ERC1: variants seen among roughly 807,000 people sequenced by gnomAD.
ERC1 encodes RAB6 interacting protein 2.
In ERC1, 56 loss-of-function variants were observed where a neutral mutation model predicts 132.0. That is an observed-to-expected ratio of 0.42 (90% CI 0.34 to 0.53). ERC1 has a LOEUF of 0.53. Ranked by LOEUF, ERC1 falls within the 20% of genes least tolerant of loss-of-function variation. The pLI, the probability that ERC1 is intolerant of heterozygous loss-of-function variation, is 0.03. For missense variants in ERC1, 1,202 were observed against 1,349.9 expected (o/e 0.89, Z 1.72); for synonymous variants, 478 against 476.1 (o/e 1.00, Z -0.05).
At chr12:1,216,615 T>TGGGGGGCGGGGGGGATGGAG (rs1265115026) in intron 12 of ERC1, among the ~76,000 whole-genome samples, 1 of 5,094 alleles carries the variant, frequency 2.0e-4, no homozygotes, top group Non-Finnish European at 4.4e-4. Flanking sequence ...GGAGGAGGGA[T>TGGGGGGCGGGGGGGATGGAG]GGGGGGTGGG....
At chr12:1,243,353 AAG>A (rs2075955758) in intron 13 of ERC1, among the ~76,000 whole-genome samples, 10 of 150,900 alleles carry the variant, frequency 6.6e-5, no homozygotes. Context: ...CAATCCCCAG[AAG>A]ATACTGAGGT....
At chr12:1,148,738 A>AT (rs1365202471) in intron 8 of ERC1, among the ~76,000 whole-genome samples, 15 of 152,128 alleles carry the variant, frequency 9.9e-5, no homozygotes, top group Non-Finnish European at 1.0e-4. Flanking sequence ...AGCAGCTGGG[A>AT]TTACAGGCAC....
chr12:1,182,242 CGGA>C (rs1341864726), intron 10 of ERC1, among the ~76,000 whole-genome samples, 177 bp downstream of exon 10: 9 of 152,194 alleles, frequency 5.9e-5, no homozygotes, highest in Admixed American at 2.0e-4. Flanking sequence ...AGAGACATAG[CGGA>C]TTGGTTCATT....
rs530104827 is a variant in ERC1 at position 1,255,191 on chromosome 12, C to T, written c.2488-7843C>T. Among the ~76,000 whole-genome samples the T allele has an allele frequency of 1.8e-3, 266 of 151,668 alleles. 3 individuals carry two copies. In the Middle Eastern group the frequency reaches 0.031, roughly 17 times the overall value. On this transcript the variant is annotated intron_variant, in intron 13 of 18. Coordinates refer to ENST00000360905, the MANE Select transcript of ERC1 (RefSeq NM_178040.4). ...ACTCCCACTTATGAGTGAGAACATGCGGTGTTTGGTTTTCTGTTCTTGTGT... is the reference window on the plus strand; with the variant it reads ...ACTCCCACTTATGAGTGAGAACATGTGGTGTTTGGTTTTCTGTTCTTGTGT...
At chr12:1,125,322 T>C (rs187352418) in intron 7 of ERC1, among the ~76,000 whole-genome samples, 65 of 152,106 alleles carry the variant, frequency 4.3e-4, no homozygotes, top group Admixed American at 5.9e-4. Context: ...ATCAAATATT[T>C]AAAAATAGTC....
At chr12:997,606 T>G (rs1329738625) in intron 1 of ERC1, among the ~76,000 whole-genome samples, 1 of 152,162 alleles carries the variant, frequency 6.6e-6, no homozygotes, top group Non-Finnish European at 1.5e-5. Flanking sequence ...TGCCAGCATA[T>G]CCTTACTGAG....
rs1954356342 is a variant in ERC1 at position 1,180,750 on chromosome 12, A to C, written c.1875+73A>C. The C allele has an allele frequency of 7.7e-6, 12 of 1,562,208 alleles. No individual in the cohort carries two copies. The Admixed American group carries it at 2.1e-4, about 28-fold the overall frequency. On this transcript the variant is annotated intron_variant, in intron 9 of 18. Transcript: ENST00000360905. ...TAATCTAAGACTGGATATAGAATACAAAAGAAATCCCTGTGGGCACAAGGG... is the reference window on the plus strand; with the variant it reads ...TAATCTAAGACTGGATATAGAATACCAAAGAAATCCCTGTGGGCACAAGGG...
intron 7 of ERC1, among the ~76,000 whole-genome samples, chr12:1,139,821 A>C (rs1165970223): frequency 6.6e-6 from 1 of 152,150 alleles, no homozygotes; most frequent in Non-Finnish European, 1.5e-5. Flanking sequence ...AGGACGATAG[A>C]TCAGAGGTCA....
chr12:1,279,045 C>T (rs1275360058), intron 14 of ERC1, among the ~76,000 whole-genome samples: 1 of 152,098 alleles, frequency 6.6e-6, no homozygotes, highest in Non-Finnish European at 1.5e-5. Flanking sequence ...AATGGCATGA[C>T]CTTTTCCTAA....
chr12:1,156,430 G>A (rs1052361349), intron 8 of ERC1, among the ~76,000 whole-genome samples: 1 of 151,914 alleles, frequency 6.6e-6, no homozygotes, highest in African/African-American at 2.4e-5. Context: ...TAGTAGAGAG[G>A]ATTTTACCAT....
At chr12:1,220,711 A>G (rs776074217) in intron 12 of ERC1, among the ~76,000 whole-genome samples, 4 of 152,228 alleles carry the variant, frequency 2.6e-5, no homozygotes, top group Non-Finnish European at 5.9e-5. Flanking sequence ...AGGGTAACAA[A>G]AAAGAAAAAT....
chr12:1,096,070 A>T (rs114006832), intron 3 of ERC1, among the ~76,000 whole-genome samples: 2 of 151,888 alleles, frequency 1.3e-5, no homozygotes, highest in South Asian at 2.1e-4. Context: ...GGGACTACAC[A>T]TGAGCACCAC....
chr12:1,294,063 G>A (rs7966580), intron 15 of ERC1, among the ~76,000 whole-genome samples: 16 of 152,122 alleles, frequency 1.1e-4, no homozygotes, highest in Non-Finnish European at 2.2e-4. Flanking sequence ...AAATTATGAA[G>A]CAAAGTTTAT....
At position 1,051,765 on chromosome 12, in the gene ERC1, G is replaced by T. The variant is rs148644771; in HGVS notation, c.669+23193G>T. 2.0e-3 allele frequency among the ~76,000 whole-genome samples: 310 copies of T among 152,124 alleles called. 1 individual carries two copies. The highest frequency in any genetic ancestry group is 7.1e-3 in the African/African-American group (296 of 41,478). Reference sequence around the variant, plus strand: ...CCACAGTGACCACCTGGGGGATGTGGGCAGGGGGAGAGGAAAAGAAGGTGA... The same window carrying T: ...CCACAGTGACCACCTGGGGGATGTGTGCAGGGGGAGAGGAAAAGAAGGTGA... On this transcript the variant is annotated intron_variant, in intron 2 of 18. Transcript: ENST00000360905.
At position 1,326,620 on chromosome 12, in the gene ERC1, G is replaced by C. The variant is rs188405643; in HGVS notation, c.2780+36608G>C. Among the ~76,000 whole-genome samples, 4 of 152,278 alleles carry C rather than the reference G, an allele frequency of 2.6e-5. No homozygotes were observed. The East Asian group carries it at 7.7e-4, about 29-fold the overall frequency. On this transcript the variant is annotated intron_variant, in intron 15 of 18. Coordinates refer to ENST00000360905, the MANE Select transcript of ERC1 (RefSeq NM_178040.4). ...GTGTTTGAAAGGTGATATTTTAGAC[G>C]TAGAGACAAAAAGTCTCCCTTGAGT...
At chr12:1,446,825 CT>C (rs2093315585) in intron 18 of ERC1, among the ~76,000 whole-genome samples, 1 of 152,160 alleles carries the variant, frequency 6.6e-6, no homozygotes. Flanking sequence ...ATTTTAATCT[CT>C]TTCTTTCTTG....
intron 17 of ERC1, among the ~76,000 whole-genome samples, chr12:1,414,812 C>T (rs1254123905): frequency 1.3e-5 from 2 of 151,858 alleles, no homozygotes; most frequent in African/African-American, 4.8e-5. Flanking sequence ...TAAATAAATG[C>T]CCAGGATATA....
At chr12:1,282,916 A>G (rs1480328633) in intron 14 of ERC1, among the ~76,000 whole-genome samples, 1 of 152,006 alleles carries the variant, frequency 6.6e-6, no homozygotes. Context: ...TCTTGTGGAG[A>G]CTTACGCCTT....
At chr12:1,161,938 T>C (rs1951918823) in intron 8 of ERC1, among the ~76,000 whole-genome samples, 1 of 152,206 alleles carries the variant, frequency 6.6e-6, no homozygotes, top group South Asian at 2.1e-4. Context: ...AGAAACTATG[T>C]TATTTTGGCA....
Sources: allele counts gnomAD v4.1 joint callset (sites outside exome capture counted in the v4.1 genomes callset), GRCh38; gene constraint gnomAD v4.1.1; transcripts MANE v1.5; gene names NCBI Gene and HGNC (gene_info 2026-07-23, HGNC 2026-07-21).